Variants in WDR35 observed in about 807,000 individuals in gnomAD.
WDR35 encodes the protein WD repeat-containing protein 35.
Under a neutral mutation model 158.3 loss-of-function variants are expected in WDR35, and 118 were observed. The observed-to-expected ratio is 0.75, with a 90% CI of 0.64 to 0.87. The LOEUF (loss-of-function observed/expected upper bound fraction) is 0.87. Among genes scored for constraint, WDR35 ranks in the 40% least tolerant of loss-of-function variants. The probability of loss-of-function intolerance (pLI) is 0.00; values close to 1 mark genes in which losing one functional copy is unlikely to be tolerated. For synonymous variants in WDR35, 448 were observed against 476.1 expected, an observed-to-expected ratio of 0.94 and a Z score of 0.77; for missense variants, 1,263 against 1,405.8, an observed-to-expected ratio of 0.90 and a Z score of 1.62.
In WDR35 at chr2:19,913,496, C is replaced by A; in HGVS notation, c.*62G>T. The A allele has an allele frequency of 6.4e-7, 1 of 1,571,408 alleles. No individual in the cohort carries two copies. Among genetic ancestry groups the A allele is most frequent in the Non-Finnish European group, 8.8e-7 (1 of 1,142,420 alleles). On this transcript the variant is annotated 3_prime_UTR_variant, in exon 27 of 27. Coordinates refer to ENST00000281405, the MANE Select transcript of WDR35 (RefSeq NM_020779.4). The stretch of plus-strand genomic sequence containing the variant: ...ACAGAAATAAACCTTATTACATATA[C>A]AGCATATAGCCATGTATATATGCTA...
intron 9 of WDR35, among the ~76,000 whole-genome samples, chr2:19,968,669 C>T (rs1356780651): frequency 6.6e-6 from 1 of 152,104 alleles, no homozygotes; most frequent in Non-Finnish European, 1.5e-5. Context: ...TTGTATTTTC[C>T]CTGCCCTAGT....
At chr2:19,922,506 G>T (rs1670198974) in intron 25 of WDR35, among the ~76,000 whole-genome samples, 1 of 151,432 alleles carries the variant, frequency 6.6e-6, no homozygotes, top group African/African-American at 2.4e-5. Flanking sequence ...ATTCATAAGT[G>T]GGAGTCGAAC....
At chr2:19,960,809 A>T (rs1671625620) in intron 10 of WDR35, among the ~76,000 whole-genome samples, 195 bp from the exon 11 acceptor site, 1 of 152,236 alleles carries the variant, frequency 6.6e-6, no homozygotes, top group South Asian at 2.1e-4. Flanking sequence ...AAGATCAGTT[A>T]ATACTAAACC....
intron 8 of WDR35, among the ~76,000 whole-genome samples, chr2:19,971,195 AC>A (rs1488109245): frequency 2.2e-4 from 33 of 152,220 alleles, no homozygotes; most frequent in African/African-American, 8.0e-4. Context: ...ATTTCAATGA[AC>A]TTTACTGGTA....
chr2:19,989,953 G>A, intron 1 of WDR35, 39 bp downstream of exon 1: 1 of 1,612,646 alleles, frequency 6.2e-7, no homozygotes, highest in Non-Finnish European at 8.5e-7. Flanking sequence ...CAGGCTGCGG[G>A]AATGGCGGAG....
At chr2:19,967,509 A>T (rs980709344) in intron 9 of WDR35, among the ~76,000 whole-genome samples, 3 of 152,138 alleles carry the variant, frequency 2.0e-5, no homozygotes, top group African/African-American at 7.2e-5. Context: ...TGATTATGGA[A>T]CTTACACACT....
chr2:19,936,256 T>C lies in WDR35; in HGVS notation c.2377A>G (p.Asn793Asp). Residue 793 changes from asparagine to aspartate, a missense_variant, in exon 20 of 27, where the codon AAT becomes GAT. Transcript: ENST00000281405. The stretch of plus-strand genomic sequence containing the variant: ...TCAGCAAAGTAGTCTCCAATGGCAT[T>C]GTTGGCTTGTTCCAGGAGACTGTCA... Reference protein sequence around the residue: ...ADDSLLEQANNAIGDYFADRQ... With the variant: ...ADDSLLEQANDAIGDYFADRQ... 6.2e-7 allele frequency: 1 copy of C among 1,614,022 alleles called. No homozygotes were observed. The highest frequency in any genetic ancestry group is 8.5e-7 in the Non-Finnish European group (1 of 1,179,942).
intron 26 of WDR35, 21 bp downstream of exon 26, chr2:19,914,016 C>T (rs1669915868): frequency 6.2e-7 from 1 of 1,613,328 alleles, no homozygotes; most frequent in Non-Finnish European, 8.5e-7. Context: ...GAATGGCATC[C>T]ACTAATTAAA....
rs2103375295 is a variant in WDR35 at position 19,911,688 on chromosome 2, A to T, written c.*1870T>A. The stretch of plus-strand genomic sequence containing the variant: ...TAATAGAGCGTGTATGTGTGACCAC[A>T]GATAGAAAGGAGCAAGAGATACCAA... On this transcript the variant is annotated 3_prime_UTR_variant, in exon 27 of 27. Coordinates refer to ENST00000281405, the MANE Select transcript of WDR35 (RefSeq NM_020779.4). 6.6e-6 allele frequency: 1 copy of T among 152,354 alleles called. No homozygotes were observed. The highest frequency in any genetic ancestry group is 1.5e-5 in the Non-Finnish European group (1 of 68,036). The allele number at this position is 152,354 out of a possible 1,614,324, so 9.4% of individuals were successfully genotyped here.
chr2:19,941,695 C>T, intron 17 of WDR35, 64 bp downstream of exon 17: 1 of 1,222,770 alleles, frequency 8.2e-7, no homozygotes, highest in South Asian at 1.3e-5. Context: ...GGATACTACA[C>T]CGCCTGGTCC....
In WDR35 at chr2:19,978,740, C is replaced by G. The variant is rs1672289956; in HGVS notation, c.436+11G>C. 1 of 1,613,506 alleles carries G rather than the reference C, an allele frequency of 6.2e-7. No individual in the cohort carries two copies. The highest frequency in any genetic ancestry group is 1.3e-5 in the African/African-American group (1 of 74,888). Reference sequence around the variant, plus strand: ...TATTGATCTTAGTTCTATGTCCAATCAATACATTACCATCCACTGAACCAA... The same window carrying G: ...TATTGATCTTAGTTCTATGTCCAATGAATACATTACCATCCACTGAACCAA... On this transcript the variant is annotated intron_variant, in intron 5 of 26. Transcript: ENST00000281405.
intron 15 of WDR35, among the ~76,000 whole-genome samples, 184 bp downstream of exon 15, chr2:19,946,277 A>G (rs190130306): frequency 8.5e-5 from 13 of 152,344 alleles, no homozygotes; most frequent in African/African-American, 2.4e-4. Flanking sequence ...AAATTATACT[A>G]GTACTTCCAC....
chr2:19,937,594 T>A, intron 19 of WDR35, 149 bp downstream of exon 19: 1 of 1,012,206 alleles, frequency 9.9e-7, no homozygotes, highest in Non-Finnish European at 1.5e-6. Context: ...ATGAGAGGCA[T>A]GTAGAATATC....
intron 2 of WDR35, among the ~76,000 whole-genome samples, chr2:19,986,158 C>G (rs975843232): frequency 1.3e-5 from 2 of 152,074 alleles, no homozygotes; most frequent in African/African-American, 4.8e-5. Context: ...CCAGCTTGAG[C>G]AAATGAGTGA....
intron 3 of WDR35, among the ~76,000 whole-genome samples, chr2:19,981,523 C>A (rs1672381981): frequency 6.6e-6 from 1 of 150,954 alleles, no homozygotes; most frequent in African/African-American, 2.4e-5. Context: ...AGTCTTTAGT[C>A]TTTTTTTTTC....
chr2:19,932,886 T>C lies in WDR35; in HGVS notation c.2659-439A>G, dbSNP rs1025898011. ...ATAAGAAAAATATTAAAAGAATACA[T>C]TAATAGTCAATAGTTTCTATAATAA... On this transcript the variant is annotated intron_variant, in intron 22 of 26. Coordinates refer to ENST00000281405, the MANE Select transcript of WDR35 (RefSeq NM_020779.4). Among the ~76,000 whole-genome samples, 10 of 152,178 alleles carry C rather than the reference T, an allele frequency of 6.6e-5. 1 individual carries two copies. The highest frequency in any genetic ancestry group is 5.9e-4 in the Admixed American group (9 of 15,270).
At chr2:19,917,827 T>C (rs557051832) in intron 25 of WDR35, among the ~76,000 whole-genome samples, 1 of 152,344 alleles carries the variant, frequency 6.6e-6, no homozygotes, top group East Asian at 1.9e-4. Flanking sequence ...CTCTTCAGGA[T>C]ATTATCCAGG....
chr2:19,952,837 G>A (rs866089943), intron 12 of WDR35, among the ~76,000 whole-genome samples: 2 of 128,028 alleles, frequency 1.6e-5, no homozygotes, highest in South Asian at 4.8e-4. Flanking sequence ...CGCCCAGGCT[G>A]GAGTGCAGTG....
chr2:19,964,548 T>C (rs1671782851), intron 10 of WDR35, among the ~76,000 whole-genome samples: 1 of 151,860 alleles, frequency 6.6e-6, no homozygotes, highest in Non-Finnish European at 1.5e-5. Context: ...CACGCCCGGC[T>C]AATTTTTTCT....
Sources: allele counts gnomAD v4.1 joint callset (sites outside exome capture counted in the v4.1 genomes callset), GRCh38; gene constraint gnomAD v4.1.1; transcripts MANE v1.5; gene names NCBI Gene and HGNC (gene_info 2026-07-23, HGNC 2026-07-21).